S100A8: variants seen among roughly 807,000 people sequenced by gnomAD.
The protein encoded by S100A8 is protein S100-A8.
A neutral mutation model predicts 4.2 loss-of-function variants in S100A8; 1 was observed. The ratio of observed to expected loss-of-function variants is 0.24; its 90% CI spans 0.08 to 1.12. S100A8 has a LOEUF of 1.12. Among genes scored for constraint, S100A8 ranks in the 50% most tolerant of loss-of-function variants. The pLI is 0.53. For missense variants in S100A8, 96 were observed against 111.8 expected, an observed-to-expected ratio of 0.86 and a Z score of 0.64; for synonymous variants, 41 against 44.7, an observed-to-expected ratio of 0.92 and a Z score of 0.33.
At chr1:153,419,058 C>T in the S100A8 span, 1 of 1,412,326 alleles carries the variant, frequency 7.1e-7, no homozygotes, top group African/African-American at 1.4e-5. Context: ...AGGTACTTGT[C>T]TGTATCTCTG....
the S100A8 span, among the ~76,000 whole-genome samples, chr1:153,415,657 C>T: frequency 6.6e-6 from 1 of 150,544 alleles, no homozygotes; most frequent in Non-Finnish European, 1.5e-5. Context: ...GAAGTTAGTG[C>T]CATGGGGCAG....
At chr1:153,415,820 C>T in the S100A8 span, among the ~76,000 whole-genome samples, 16 of 152,280 alleles carry the variant, frequency 1.1e-4, no homozygotes, top group South Asian at 1.7e-3. Context: ...CAATGGTTAG[C>T]AATGAAGTAA....
At chr1:153,412,252 T>A in the S100A8 span, among the ~76,000 whole-genome samples, 2 of 151,996 alleles carry the variant, frequency 1.3e-5, no homozygotes, top group African/African-American at 4.8e-5. Flanking sequence ...AGGGCTAATA[T>A]CCAGAATCTA....
At chr1:153,408,811 G>A in the S100A8 span, among the ~76,000 whole-genome samples, 1,887 of 152,198 alleles carry the variant, frequency 0.012, 39 homozygotes, top group African/African-American at 0.042. Context: ...GAAGAGAGTC[G>A]GGGCCAATAT....
chr1:153,398,741 C>T, the S100A8 span, among the ~76,000 whole-genome samples: 15 of 152,184 alleles, frequency 9.9e-5, no homozygotes, highest in Non-Finnish European at 1.8e-4. Flanking sequence ...CAAATTATCC[C>T]GTATCCCACG....
At chr1:153,416,873 T>C in the S100A8 span, among the ~76,000 whole-genome samples, 2 of 152,212 alleles carry the variant, frequency 1.3e-5, no homozygotes, top group Non-Finnish European at 2.9e-5. Context: ...CTGGATTCAT[T>C]CTCCTTTTGG....
the S100A8 span, among the ~76,000 whole-genome samples, chr1:153,397,819 T>C: frequency 6.6e-6 from 1 of 152,162 alleles, no homozygotes; most frequent in Non-Finnish European, 1.5e-5. Context: ...GGACAGGCTC[T>C]CCCAGCTTCC....
the S100A8 span, among the ~76,000 whole-genome samples, chr1:153,401,063 A>G: frequency 2.0e-5 from 3 of 152,310 alleles, no homozygotes; most frequent in East Asian, 5.8e-4. Flanking sequence ...CGCCATGCCA[A>G]TACCCAGTGA....
the S100A8 span, among the ~76,000 whole-genome samples, chr1:153,412,666 T>C: frequency 1.3e-5 from 2 of 152,204 alleles, no homozygotes; most frequent in East Asian, 1.9e-4. Flanking sequence ...ATCATGCTGC[T>C]ATAAAGACAC....
the S100A8 span, chr1:153,417,986 C>G: frequency 1.3e-6 from 2 of 1,550,670 alleles, no homozygotes; most frequent in South Asian, 2.4e-5. Flanking sequence ...TTACTCTGTC[C>G]TCAGCCCTCC....
chr1:153,410,960 G>A, the S100A8 span, among the ~76,000 whole-genome samples: 1 of 152,212 alleles, frequency 6.6e-6, no homozygotes, highest in South Asian at 2.1e-4. Flanking sequence ...CAATAAATTC[G>A]GTATTGATGG....
At chr1:153,408,300 A>C in the S100A8 span, among the ~76,000 whole-genome samples, 2 of 152,240 alleles carry the variant, frequency 1.3e-5, no homozygotes, top group Non-Finnish European at 2.9e-5. Flanking sequence ...ATGGAGCTGA[A>C]AACCATGGCA....
the S100A8 span, among the ~76,000 whole-genome samples, chr1:153,397,589 T>C: frequency 6.6e-6 from 1 of 152,064 alleles, no homozygotes; most frequent in Non-Finnish European, 1.5e-5. Flanking sequence ...AAGGTGGGCA[T>C]CGGGAGCACT....
the S100A8 span, among the ~76,000 whole-genome samples, chr1:153,403,207 T>A: frequency 6.6e-6 from 1 of 152,230 alleles, no homozygotes; most frequent in East Asian, 1.9e-4. Context: ...TTCTAAGAGT[T>A]TTAGTTTTAG....
At chr1:153,403,472 C>A in the S100A8 span, among the ~76,000 whole-genome samples, 1 of 152,164 alleles carries the variant, frequency 6.6e-6, no homozygotes, top group Non-Finnish European at 1.5e-5. Flanking sequence ...TGCTCTACCT[C>A]CTGTCGAAAT....
the S100A8 span, among the ~76,000 whole-genome samples, chr1:153,418,705 A>G: frequency 2.0e-5 from 3 of 152,232 alleles, no homozygotes; most frequent in African/African-American, 7.2e-5. Flanking sequence ...GATGACCAAG[A>G]GTAGGGAACC....
At chr1:153,404,822 C>T in the S100A8 span, among the ~76,000 whole-genome samples, 2 of 152,012 alleles carry the variant, frequency 1.3e-5, no homozygotes, top group African/African-American at 2.4e-5. Context: ...GATTGGTGCC[C>T]GACGTGGGAC....
chr1:153,414,816 G>T, the S100A8 span, among the ~76,000 whole-genome samples: 2 of 152,216 alleles, frequency 1.3e-5, no homozygotes, highest in Non-Finnish European at 2.9e-5. Flanking sequence ...GCATACACAT[G>T]TATATGAACA....
the S100A8 span, among the ~76,000 whole-genome samples, chr1:153,408,052 C>T: frequency 1.3e-5 from 2 of 152,304 alleles, no homozygotes; most frequent in African/African-American, 4.8e-5. Context: ...CTCTAAAAAT[C>T]AGAGCACCTC....
Sources: gnomAD v4.1 joint callset for allele counts (sites outside exome capture counted in the v4.1 genomes callset) on GRCh38, gnomAD v4.1.1 for gene constraint, MANE v1.5 for transcripts, NCBI Gene and HGNC (gene_info 2026-07-23, HGNC 2026-07-21) for gene names.